FRMD3: variants seen among roughly 807,000 people sequenced by gnomAD.
FRMD3 encodes the protein FERM domain-containing protein 3.
A neutral mutation model predicts 70.2 loss-of-function variants in FRMD3; 33 were observed. That is an observed-to-expected ratio of 0.47 (90% CI 0.36 to 0.63). The LOEUF (loss-of-function observed/expected upper bound fraction) is 0.63. Ranked by LOEUF, FRMD3 falls within the 20% of genes least tolerant of loss-of-function variation. The pLI is 0.00. For missense variants in FRMD3, 632 were observed against 711.4 expected, an observed-to-expected ratio of 0.89 and a Z score of 1.27; for synonymous variants, 279 against 255.9, an observed-to-expected ratio of 1.09 and a Z score of -0.86.
At chr9:83,529,706 A>T (rs1469348668) in intron 1 of FRMD3, among the ~76,000 whole-genome samples, 4 of 152,246 alleles carry the variant, frequency 2.6e-5, no homozygotes, top group Non-Finnish European at 5.9e-5. Context: ...AGTAAAAGAT[A>T]TCCCACAGAA....
intron 8 of FRMD3, among the ~76,000 whole-genome samples, chr9:83,311,601 G>GC (rs1299659112): frequency 1.3e-5 from 2 of 152,054 alleles, no homozygotes; most frequent in Non-Finnish European, 2.9e-5. Context: ...CCATCCGTGT[G>GC]CCCCCCTTGG....
chr9:83,428,938 T>A (rs1826891523), intron 1 of FRMD3, among the ~76,000 whole-genome samples: 1 of 151,114 alleles, frequency 6.6e-6, no homozygotes. Flanking sequence ...GTAGATCTAC[T>A]CTTCATTGAA....
At chr9:83,551,943 T>C in the FRMD3 span, among the ~76,000 whole-genome samples, 5 of 152,280 alleles carry the variant, frequency 3.3e-5, no homozygotes, top group African/African-American at 9.6e-5. Context: ...ATTGATCTTT[T>C]GAATGGTTTT....
intron 1 of FRMD3, among the ~76,000 whole-genome samples, chr9:83,471,500 G>C (rs1247978108): frequency 6.6e-6 from 1 of 152,156 alleles, no homozygotes; most frequent in Non-Finnish European, 1.5e-5. Flanking sequence ...GTGAGGGTGG[G>C]TGGGACACCG....
chr9:83,457,984 T>C (rs561132801), intron 1 of FRMD3, among the ~76,000 whole-genome samples: 76 of 89,434 alleles, frequency 8.5e-4, no homozygotes, highest in Admixed American at 2.0e-3. Flanking sequence ...AAAAATAAAA[T>C]GAGCATATTA....
At chr9:83,335,922 C>T (rs1823562931) in intron 5 of FRMD3, among the ~76,000 whole-genome samples, 1 of 152,030 alleles carries the variant, frequency 6.6e-6, no homozygotes, top group South Asian at 2.1e-4. Context: ...ACACCATTGG[C>T]ATTTTGAGGG....
intron 4 of FRMD3, among the ~76,000 whole-genome samples, chr9:83,346,853 G>T (rs932121029): frequency 6.6e-6 from 1 of 152,102 alleles, no homozygotes; most frequent in Non-Finnish European, 1.5e-5. Context: ...AGTTCCCAGG[G>T]GATGCTGACA....
At chr9:83,367,680 A>G (rs905653846) in intron 3 of FRMD3, among the ~76,000 whole-genome samples, 4 of 152,262 alleles carry the variant, frequency 2.6e-5, no homozygotes, top group Admixed American at 2.0e-4. Flanking sequence ...CAGTAGGAAC[A>G]GCAAATGTGC....
At chr9:83,322,145 T>C (rs1835825854) in intron 6 of FRMD3, among the ~76,000 whole-genome samples, 1 of 151,870 alleles carries the variant, frequency 6.6e-6, no homozygotes, top group Admixed American at 6.5e-5. Flanking sequence ...GACAAGAAGA[T>C]GTGGATGTCC....
At chr9:83,454,902 T>C (rs1197255541) in intron 1 of FRMD3, among the ~76,000 whole-genome samples, 1 of 152,198 alleles carries the variant, frequency 6.6e-6, no homozygotes, top group East Asian at 1.9e-4. Flanking sequence ...ATATTGTTTC[T>C]GCATCTTTTT....
At chr9:83,403,595 G>A (rs564066399) in intron 1 of FRMD3, among the ~76,000 whole-genome samples, 7 of 152,196 alleles carry the variant, frequency 4.6e-5, no homozygotes, top group African/African-American at 1.7e-4. Context: ...CACTTCATTG[G>A]TATACATGTG....
chr9:83,416,745 G>GTCTCTCTCTCTCTCTCTCTCTCTC (rs1184226415), intron 1 of FRMD3, among the ~76,000 whole-genome samples: 13 of 102,282 alleles, frequency 1.3e-4, no homozygotes, highest in Non-Finnish European at 1.9e-4. Flanking sequence ...ATTTCTCTCT[G>GTCTCTCTCTCTCTCTCTCTCTCTC]TCTCTCTCTC....
chr9:83,312,017 TG>T (rs763368833), intron 7 of FRMD3, 42 bp from the exon 8 acceptor site: 1 of 1,429,552 alleles, frequency 7.0e-7, no homozygotes, highest in Admixed American at 2.1e-5. Context: ...CTGTTTAGAT[TG>T]AGAAAAATAA....
At chr9:83,343,920 G>A (rs1823863905) in intron 4 of FRMD3, among the ~76,000 whole-genome samples, 1 of 152,242 alleles carries the variant, frequency 6.6e-6, no homozygotes, top group Admixed American at 6.5e-5. Context: ...CTGTGCTGGT[G>A]CAAGAAGTGC....
chr9:83,289,702 G>A lies in FRMD3; in HGVS notation c.1195+901C>T, dbSNP rs1327580346. ...ACTGCCCAGTATCCAGATTTTCAAC[G>A]ATGAAACCAGAATCACAAAGTTAAG... On this transcript the variant is annotated intron_variant, in intron 13 of 13. Coordinates refer to ENST00000304195, the MANE Select transcript of FRMD3 (RefSeq NM_174938.6). 5.3e-5 allele frequency among the ~76,000 whole-genome samples: 8 copies of A among 152,180 alleles called. No homozygotes were observed. In the East Asian group the frequency reaches 5.8e-4, roughly 11 times the overall value.
chr9:83,299,258 G>A (rs1420828132), intron 10 of FRMD3, 72 bp from the exon 11 acceptor site: 4 of 892,128 alleles, frequency 4.5e-6, no homozygotes, highest in Admixed American at 2.5e-5. Flanking sequence ...TAGAGGTGTG[G>A]TGATGGGGTA....
At chr9:83,255,907 G>A (rs960997711) in intron 13 of FRMD3, among the ~76,000 whole-genome samples, 4 of 152,110 alleles carry the variant, frequency 2.6e-5, no homozygotes, top group African/African-American at 9.7e-5. Flanking sequence ...CCATGCTCAC[G>A]GATAGGACGA....
intron 1 of FRMD3, among the ~76,000 whole-genome samples, chr9:83,438,412 TTTTTTG>T (rs1564077349): frequency 1.0e-5 from 1 of 98,538 alleles, no homozygotes; most frequent in African/African-American, 4.3e-5. Context: ...AGAGAGTTTT[TTTTTTG>T]TTTTGTTTTG....
chr9:83,292,781 G>C (rs1197786262), intron 12 of FRMD3, among the ~76,000 whole-genome samples: 2 of 152,172 alleles, frequency 1.3e-5, no homozygotes, highest in Non-Finnish European at 2.9e-5. Context: ...CCGAGTAGCT[G>C]GGATTACAGG....
Sources: gnomAD v4.1 joint callset for allele counts (sites outside exome capture counted in the v4.1 genomes callset) on GRCh38, gnomAD v4.1.1 for gene constraint, MANE v1.5 for transcripts, NCBI Gene and HGNC (gene_info 2026-07-23, HGNC 2026-07-21) for gene names.